SYTL3: variants seen among roughly 807,000 people sequenced by gnomAD.
SYTL3 encodes synaptotagmin-like protein 3.
SYTL3 carries 88 observed loss-of-function variants against 82.1 expected under a neutral mutation model. The ratio of observed to expected loss-of-function variants is 1.07; its 90% CI spans 0.90 to 1.28. The LOEUF (loss-of-function observed/expected upper bound fraction) is 1.28, where lower values mean the gene tolerates loss of function less well. Among genes scored for constraint, SYTL3 ranks in the 50% most tolerant of loss-of-function variants. The pLI, the probability that SYTL3 is intolerant of heterozygous loss-of-function variation, is 0.00. For missense variants in SYTL3, 831 were observed against 757.6 expected (o/e 1.10, Z -1.14); for synonymous variants, 311 against 289.4 (o/e 1.07, Z -0.76).
intron 16 of SYTL3, 87 bp downstream of exon 16, chr6:158,762,265 G>GT: frequency 1.1e-6 from 1 of 943,612 alleles, no homozygotes; most frequent in Non-Finnish European, 1.6e-6. Context: ...ACTAAAAAAC[G>GT]TAAGCCACTT....
rs1481347782 is a variant in SYTL3, at chr6:158,705,463, A to AGCGG, written c.395-1766_395-1765insCGGG. Among the ~76,000 whole-genome samples the AGCGG allele has an allele frequency of 3.2e-3, 382 of 118,364 alleles. 8 individuals carry two copies. The highest frequency in any genetic ancestry group is 0.01 in the Middle Eastern group (2 of 196). The allele number at this position is 118,364 out of a possible 152,430, so 77.7% of individuals were successfully genotyped here. On this transcript the variant is annotated intron_variant, in intron 6 of 17. Transcript: ENST00000611299. ...TGAGGGCCGTAAGGTCACATAGGGCAGGAGGGACCTGGGGACAGGGTGACA... is the reference window on the plus strand; with the variant it reads ...TGAGGGCCGTAAGGTCACATAGGGCAGCGGGGAGGGACCTGGGGACAGGGTGACA...
chr6:158,739,816 T>C (rs566712608), intron 11 of SYTL3, among the ~76,000 whole-genome samples: 11 of 152,250 alleles, frequency 7.2e-5, no homozygotes, highest in African/African-American at 2.6e-4. Flanking sequence ...TATTTGGCCC[T>C]GTATGTCTCT....
intron 9 of SYTL3, among the ~76,000 whole-genome samples, chr6:158,717,611 A>T (rs1180904396): frequency 6.6e-6 from 1 of 152,118 alleles, no homozygotes; most frequent in Non-Finnish European, 1.5e-5. Flanking sequence ...GGGTTTGTTT[A>T]TTATAATTGT....
rs1789529083 is a variant in SYTL3, at chr6:158,662,773, A to G, written c.-496A>G. 2.0e-5 allele frequency: 3 copies of G among 152,454 alleles called. No individual in the cohort carries two copies. Among genetic ancestry groups the G allele is most frequent in the African/African-American group, 7.2e-5 (3 of 41,456 alleles). The allele number at this position is 152,454 out of a possible 1,614,324, so 9.4% of individuals were successfully genotyped here. On this transcript the variant is annotated 5_prime_UTR_variant, in exon 4 of 18. An upstream start codon of the reference 5' UTR is lost. Coordinates refer to ENST00000611299, the MANE Select transcript of SYTL3 (RefSeq NM_001242394.2). ...AGGTATTGAACGGGCTGAGCTTTTC[A>G]TGATGGTTCCTGCTGACCTGGAAAC...
At chr6:158,758,198 T>C (rs937040132) in intron 14 of SYTL3, among the ~76,000 whole-genome samples, 1 of 152,014 alleles carries the variant, frequency 6.6e-6, no homozygotes, top group Non-Finnish European at 1.5e-5. Context: ...CCCAGCACTT[T>C]GGGAGGCCGA....
chr6:158,702,198 C>T lies in SYTL3; in HGVS notation c.395-5032C>T, dbSNP rs551883842. On this transcript the variant is annotated intron_variant, in intron 6 of 17. Coordinates refer to ENST00000611299, the MANE Select transcript of SYTL3 (RefSeq NM_001242394.2). ...AAAATTAGCTGGGTCTGGTAACTCA[C>T]GCCTGTAATCCCAGCTACTTGGGAG... 1.9e-3 allele frequency among the ~76,000 whole-genome samples: 290 copies of T among 151,776 alleles called. 1 individual carries two copies. The highest frequency in any genetic ancestry group is 6.7e-3 in the African/African-American group (276 of 41,386).
At chr6:158,713,399 T>G (rs1290893094) in intron 8 of SYTL3, among the ~76,000 whole-genome samples, 2 of 152,140 alleles carry the variant, frequency 1.3e-5, no homozygotes, top group African/African-American at 4.8e-5. Flanking sequence ...ACCCACATCC[T>G]GCCACTTCTG....
chr6:158,670,197 A>G (rs1777208438), intron 5 of SYTL3, among the ~76,000 whole-genome samples: 1 of 152,208 alleles, frequency 6.6e-6, no homozygotes. Flanking sequence ...TTATAATCCC[A>G]TGTTTTGATA....
At chr6:158,655,158 A>G (rs1788529299) in intron 2 of SYTL3, among the ~76,000 whole-genome samples, 1 of 152,222 alleles carries the variant, frequency 6.6e-6, no homozygotes, top group Non-Finnish European at 1.5e-5. Flanking sequence ...CCTGCGTGAG[A>G]TGATTAACAT....
chr6:158,663,017 G>A lies in SYTL3; in HGVS notation c.-252G>A, dbSNP rs987246044. ...GCAGAACCCGGTGAAAACACCCCCC[G>A]GGTAGCACGAGGCTCTGCGAGCCGT... On this transcript the variant is annotated 5_prime_UTR_variant, in exon 4 of 18. Transcript: ENST00000611299. 8.1e-6 allele frequency: 3 copies of A among 371,908 alleles called. No homozygotes were observed. Among genetic ancestry groups the A allele is most frequent in the South Asian group, 5.1e-5 (1 of 19,550 alleles). The allele number at this position is 371,908 out of a possible 1,614,324, so 23.0% of individuals were successfully genotyped here.
At chr6:158,757,076 T>A (rs1789217204) in intron 13 of SYTL3, 135 bp from the exon 14 acceptor site, 2 of 657,620 alleles carry the variant, frequency 3.0e-6, no homozygotes, top group Admixed American at 3.5e-5. Context: ...ATCCGCATCT[T>A]GGACTCAGCC....
intron 6 of SYTL3, among the ~76,000 whole-genome samples, chr6:158,692,202 G>C (rs1451209825): frequency 8.0e-6 from 1 of 124,974 alleles, no homozygotes; most frequent in Non-Finnish European, 1.6e-5. Context: ...AGCTTGCAGT[G>C]AGCCCAGATT....
chr6:158,681,448 C>T (rs1436115623), intron 5 of SYTL3, among the ~76,000 whole-genome samples: 2 of 152,106 alleles, frequency 1.3e-5, no homozygotes, highest in Admixed American at 6.5e-5. Flanking sequence ...GTGGTCTGCT[C>T]AGGTGGATCG....
chr6:158,672,051 G>A (rs1427819094), intron 5 of SYTL3, among the ~76,000 whole-genome samples: 1 of 152,130 alleles, frequency 6.6e-6, no homozygotes, highest in African/African-American at 2.4e-5. Flanking sequence ...AGCACTTTGG[G>A]AGGCCGAGGT....
chr6:158,649,101 A>C (rs1249878061), upstream of SYTL3, among the ~76,000 whole-genome samples: 2 of 152,236 alleles, frequency 1.3e-5, no homozygotes, highest in Non-Finnish European at 2.9e-5. Flanking sequence ...GTGGTATAGC[A>C]GGGCCTCCGC....
chr6:158,749,505 C>CTTTTTT (rs1217000691), intron 12 of SYTL3, among the ~76,000 whole-genome samples: 2 of 94,314 alleles, frequency 2.1e-5, no homozygotes, highest in African/African-American at 7.9e-5. Context: ...TTTTCTTTCT[C>CTTTTTT]TCTTTTTTTT....
At chr6:158,753,754 A>T (rs1403171178) in intron 13 of SYTL3, among the ~76,000 whole-genome samples, 2 of 150,712 alleles carry the variant, frequency 1.3e-5, no homozygotes, top group Non-Finnish European at 3.0e-5. Context: ...AAATGTAGTT[A>T]TATAATTGGA....
chr6:158,682,891 C>G (rs1778875695), intron 5 of SYTL3, 34 bp from the exon 6 acceptor site: 6 of 1,556,834 alleles, frequency 3.9e-6, no homozygotes, highest in South Asian at 1.1e-5. Flanking sequence ...CATATCTTCT[C>G]TCTCTGAAGC....
intron 15 of SYTL3, 116 bp from the exon 16 acceptor site, chr6:158,761,960 G>A (rs1035139222): frequency 2.7e-5 from 19 of 695,582 alleles, no homozygotes; most frequent in Admixed American, 7.9e-5. Context: ...CTGCTCTCTC[G>A]GGGTCTGAGG....
Sources: gnomAD v4.1 joint callset for allele counts (sites outside exome capture counted in the v4.1 genomes callset) on GRCh38, gnomAD v4.1.1 for gene constraint, MANE v1.5 for transcripts, NCBI Gene and HGNC (gene_info 2026-07-23, HGNC 2026-07-21) for gene names.